Variants in GALNT17 observed in about 807,000 individuals in gnomAD.
GALNT17 encodes the protein UDP-GalNAc:polypeptide N-acetylgalactosaminyltransferase-like 3.
Under a neutral mutation model 63.7 loss-of-function variants are expected in GALNT17, and 29 were observed. The ratio of observed to expected loss-of-function variants is 0.46; its 90% confidence interval spans 0.34 to 0.62. The LOEUF is 0.62. Among genes scored for constraint, GALNT17 ranks in the 20% least tolerant of loss-of-function variants. GALNT17 has a pLI of 0.01. For missense variants in GALNT17, 603 were observed against 799.6 expected, an observed-to-expected ratio of 0.75 and a Z score of 2.97; for synonymous variants, 305 against 318.3, an observed-to-expected ratio of 0.96 and a Z score of 0.45.
chr7:71,220,506 C>A (rs1426108904), intron 1 of GALNT17, among the ~76,000 whole-genome samples: 1 of 152,184 alleles, frequency 6.6e-6, no homozygotes, highest in African/African-American at 2.4e-5. Context: ...CCAGCCATGA[C>A]CACCTGGTTC....
Position 71,241,301 on chromosome 7 carries a change from A to G in GALNT17, c.239-94249A>G, listed in dbSNP as rs139687838. 2.2e-3 allele frequency among the ~76,000 whole-genome samples: 333 copies of G among 152,272 alleles called. 1 individual carries two copies. The highest frequency in any genetic ancestry group is 7.9e-3 in the African/African-American group (330 of 41,568). On this transcript the variant is annotated intron_variant, in intron 1 of 10. Transcript: ENST00000333538. Reference sequence around the variant, plus strand: ...GTAAGCTCCCTGGGGATAAACATCAACTTCTGTTGTATCCTTCCCCCTTTG... The same window carrying G: ...GTAAGCTCCCTGGGGATAAACATCAGCTTCTGTTGTATCCTTCCCCCTTTG...
intron 6 of GALNT17, among the ~76,000 whole-genome samples, chr7:71,650,547 C>T (rs917750669): frequency 1.3e-4 from 20 of 152,164 alleles, no homozygotes; most frequent in African/African-American, 4.8e-4. Context: ...CCCAATTATG[C>T]TCTTTAAAGG....
intron 5 of GALNT17, among the ~76,000 whole-genome samples, chr7:71,546,178 T>TTTC (rs1227763561): frequency 6.6e-6 from 1 of 151,192 alleles, no homozygotes; most frequent in Admixed American, 6.6e-5. Context: ...TTTTTTTTTT[T>TTTC]GAGATAGCAT....
chr7:71,420,693 G>A (rs1050048421), intron 4 of GALNT17, among the ~76,000 whole-genome samples: 6 of 152,154 alleles, frequency 3.9e-5, no homozygotes, highest in African/African-American at 1.4e-4. Context: ...CCAACAAGGG[G>A]AAAGGGGTGC....
intron 5 of GALNT17, among the ~76,000 whole-genome samples, chr7:71,520,246 A>T (rs186851137): frequency 6.6e-6 from 1 of 152,130 alleles, no homozygotes; most frequent in African/African-American, 2.4e-5. Flanking sequence ...ATTCTATGTT[A>T]AAAAGGTGGG....
At chr7:71,383,908 A>G (rs1397099172) in intron 2 of GALNT17, among the ~76,000 whole-genome samples, 5 of 152,162 alleles carry the variant, frequency 3.3e-5, no homozygotes, top group East Asian at 1.9e-4. Flanking sequence ...ATAATGCTCT[A>G]TGAACATGCG....
intron 2 of GALNT17, among the ~76,000 whole-genome samples, chr7:71,343,094 A>G (rs932365899): frequency 6.6e-6 from 1 of 152,236 alleles, no homozygotes; most frequent in South Asian, 2.1e-4. Flanking sequence ...CTCCACAGCA[A>G]AAGTTACCAA....
chr7:71,363,993 G>A (rs1046957251), intron 2 of GALNT17, among the ~76,000 whole-genome samples: 7 of 152,176 alleles, frequency 4.6e-5, no homozygotes, highest in African/African-American at 1.7e-4. Context: ...CAAGGAGGCA[G>A]CTTTAGGCTA....
intron 5 of GALNT17, among the ~76,000 whole-genome samples, chr7:71,467,619 T>G (rs993336859): frequency 6.6e-6 from 1 of 152,094 alleles, no homozygotes; most frequent in African/African-American, 2.4e-5. Flanking sequence ...TTTCTGCATG[T>G]GAATCCTGCT....
At chr7:71,323,070 C>T (rs1208560893) in intron 1 of GALNT17, among the ~76,000 whole-genome samples, 1 of 151,794 alleles carries the variant, frequency 6.6e-6, no homozygotes, top group Non-Finnish European at 1.5e-5. Flanking sequence ...AATGATATGT[C>T]TTGATAATGT....
intron 1 of GALNT17, among the ~76,000 whole-genome samples, chr7:71,219,171 T>C (rs1238144147): frequency 6.6e-6 from 1 of 152,172 alleles, no homozygotes; most frequent in South Asian, 2.1e-4. Flanking sequence ...ATTTTACAAA[T>C]TAGGTAAGTG....
At chr7:71,248,199 A>C (rs941450078) in intron 1 of GALNT17, among the ~76,000 whole-genome samples, 1 of 152,180 alleles carries the variant, frequency 6.6e-6, no homozygotes, top group African/African-American at 2.4e-5. Context: ...AGAGAGAGAG[A>C]GCACAGGAAA....
chr7:71,382,910 CACGTTTACATTGTCATGTA>C (rs1443654371), intron 2 of GALNT17, among the ~76,000 whole-genome samples: 1 of 152,092 alleles, frequency 6.6e-6, no homozygotes, highest in East Asian at 1.9e-4. Context: ...TGGCATTAAG[CACGTTTACATTGTCATGTA>C]ACTGCCACCA....
rs147212445 is a variant in GALNT17 at position 71,281,303 on chromosome 7, T to G, written c.239-54247T>G. On this transcript the variant is annotated intron_variant, in intron 1 of 10. Coordinates refer to ENST00000333538, the MANE Select transcript of GALNT17 (RefSeq NM_022479.3). ...GGTAGGATCACTTGAGGCCAGGAGT[T>G]GGAGACCAACCTGGCTAACATAGTG... 2.0e-4 allele frequency among the ~76,000 whole-genome samples: 30 copies of G among 152,346 alleles called. 1 individual carries two copies. Among genetic ancestry groups the G allele is most frequent in the African/African-American group, 7.2e-4 (30 of 41,584 alleles).
At chr7:71,696,603 G>A (rs558480833) in intron 9 of GALNT17, among the ~76,000 whole-genome samples, 17 of 152,146 alleles carry the variant, frequency 1.1e-4, no homozygotes, top group African/African-American at 2.7e-4. Flanking sequence ...TATAACCTGC[G>A]TATTCTAGTT....
At chr7:71,202,878 C>T (rs2116371618) in intron 1 of GALNT17, among the ~76,000 whole-genome samples, 1 of 152,330 alleles carries the variant, frequency 6.6e-6, no homozygotes, top group East Asian at 1.9e-4. Context: ...ATTTGACTTT[C>T]TGTACCTACT....
At chr7:71,561,526 C>T (rs562311065) in intron 5 of GALNT17, among the ~76,000 whole-genome samples, 6 of 152,060 alleles carry the variant, frequency 3.9e-5, no homozygotes, top group East Asian at 1.9e-4. Flanking sequence ...CCAAAGAAAA[C>T]GGCAGCCTGT....
intron 5 of GALNT17, among the ~76,000 whole-genome samples, chr7:71,436,345 AG>A (rs1786963097): frequency 6.6e-6 from 1 of 152,168 alleles, no homozygotes. Flanking sequence ...TGTCTCTAAA[AG>A]AAAATGAAAT....
intron 5 of GALNT17, among the ~76,000 whole-genome samples, chr7:71,477,854 A>G (rs190467285): frequency 7.9e-5 from 12 of 152,176 alleles, no homozygotes; most frequent in African/African-American, 2.9e-4. Context: ...AGAAAAACCT[A>G]TGGGGTTTCC....
Sources: allele counts gnomAD v4.1 joint callset (sites outside exome capture counted in the v4.1 genomes callset), GRCh38; gene constraint gnomAD v4.1.1; transcripts MANE v1.5; gene names NCBI Gene and HGNC (gene_info 2026-07-23, HGNC 2026-07-21).